The following SLC35F3 variants were observed in gnomAD, a reference collection of about 807,000 sequenced individuals.
SLC35F3 encodes the protein putative thiamine transporter SLC35F3.
Under a neutral mutation model 49.9 loss-of-function variants are expected in SLC35F3, and 25 were observed. The ratio of observed to expected loss-of-function variants is 0.50; its 90% CI spans 0.37 to 0.70. The LOEUF (loss-of-function observed/expected upper bound fraction) is 0.70, where lower values mean the gene tolerates loss of function less well. SLC35F3 is among the 30% of genes least tolerant of loss of function. SLC35F3 has a pLI of 0.00. For missense variants in SLC35F3, 525 were observed against 639.8 expected (o/e 0.82, Z 1.94); for synonymous variants, 275 against 265.4 (o/e 1.04, Z -0.35).
chr1:234,255,321 A>G (rs1667801862), intron 3 of SLC35F3, among the ~76,000 whole-genome samples: 1 of 152,234 alleles, frequency 6.6e-6, no homozygotes, highest in Non-Finnish European at 1.5e-5. Context: ...CACCTATTAA[A>G]ATAGCCAAGA....
At chr1:233,926,612 C>T (rs903230114) in intron 2 of SLC35F3, among the ~76,000 whole-genome samples, 53 of 152,024 alleles carry the variant, frequency 3.5e-4, no homozygotes, top group African/African-American at 1.2e-3. Context: ...TTGTTATTAC[C>T]GATCTTCTGA....
intron 2 of SLC35F3, among the ~76,000 whole-genome samples, chr1:234,121,499 G>A (rs565140592): frequency 4.5e-4 from 68 of 152,284 alleles, no homozygotes; most frequent in African/African-American, 1.6e-3. Context: ...ACTTGGAAAT[G>A]TCAGATGCTT....
chr1:234,041,559 A>G (rs976952732), intron 2 of SLC35F3, among the ~76,000 whole-genome samples: 2 of 152,100 alleles, frequency 1.3e-5, no homozygotes, highest in Non-Finnish European at 2.9e-5. Context: ...GTATGTATCT[A>G]TATGCATTCA....
At chr1:234,193,590 A>G (rs1666761929) in intron 2 of SLC35F3, among the ~76,000 whole-genome samples, 2 of 152,214 alleles carry the variant, frequency 1.3e-5, no homozygotes, top group Non-Finnish European at 2.9e-5. Context: ...AAAAATAAAT[A>G]GGTGGGACTT....
chr1:233,983,508 A>G (rs1324601487), intron 2 of SLC35F3, among the ~76,000 whole-genome samples: 1 of 152,200 alleles, frequency 6.6e-6, no homozygotes, highest in Non-Finnish European at 1.5e-5. Context: ...AGAGTATAAA[A>G]CGTGAAAAAT....
At position 234,231,393 on chromosome 1, in the gene SLC35F3, T is replaced by C; in HGVS notation, c.284-24T>C. On this transcript the variant is annotated intron_variant, in intron 2 of 7. Coordinates refer to ENST00000366618, the MANE Select transcript of SLC35F3 (RefSeq NM_173508.4). The surrounding 1 kb of genome is among the most constrained non-coding windows in gnomAD (Gnocchi z 5.4). ...AGGGGTGAAGGTCTGCAGGCCCCGCTAACCACGCCCTTCTCTTCCCCAGGG... is the reference window on the plus strand; with the variant it reads ...AGGGGTGAAGGTCTGCAGGCCCCGCCAACCACGCCCTTCTCTTCCCCAGGG... The C allele has an allele frequency of 1.3e-6, 2 of 1,483,674 alleles. No homozygotes were observed. The highest frequency in any genetic ancestry group is 1.8e-6 in the Non-Finnish European group (2 of 1,118,544). The allele number at this position is 1,483,674 out of a possible 1,614,324, so 91.9% of individuals were successfully genotyped here.
chr1:234,291,927 T>C (rs1668514728), intron 3 of SLC35F3, among the ~76,000 whole-genome samples: 1 of 152,044 alleles, frequency 6.6e-6, no homozygotes, highest in Non-Finnish European at 1.5e-5. Context: ...CAGACTGAGA[T>C]GGGATGAGAG....
Position 234,088,244 on chromosome 1 carries a change from C to T in SLC35F3, c.284-143173C>T, listed in dbSNP as rs1415753664. On this transcript the variant is annotated intron_variant, in intron 2 of 7. Transcript: ENST00000366618. The stretch of plus-strand genomic sequence containing the variant: ...TTGCTCTGTTGTTTTGAGACAGAGT[C>T]TCGCCCAGGCTGCAGTACAGTGGCG... 7.2e-5 allele frequency among the ~76,000 whole-genome samples: 11 copies of T among 152,298 alleles called. No homozygotes were observed. In the East Asian group the frequency reaches 1.9e-3, roughly 27 times the overall value.
intron 2 of SLC35F3, among the ~76,000 whole-genome samples, chr1:234,018,023 T>C (rs918635716): frequency 6.6e-6 from 1 of 151,170 alleles, no homozygotes; most frequent in African/African-American, 2.4e-5. Context: ...ATCGTGACAC[T>C]CAGTAGATCT....
chr1:234,207,575 A>G (rs926092368), intron 2 of SLC35F3, among the ~76,000 whole-genome samples: 12 of 151,282 alleles, frequency 7.9e-5, no homozygotes, highest in African/African-American at 2.9e-4. Context: ...CCCAAATTTT[A>G]AAGGCTAACA....
chr1:234,288,798 G>T (rs1459388285), intron 3 of SLC35F3, among the ~76,000 whole-genome samples: 1 of 152,188 alleles, frequency 6.6e-6, no homozygotes, highest in Non-Finnish European at 1.5e-5. Context: ...TGGAAGCAGG[G>T]TTCAAACCCT....
intron 2 of SLC35F3, among the ~76,000 whole-genome samples, chr1:234,012,477 T>C (rs1663738262): frequency 6.6e-6 from 1 of 152,174 alleles, no homozygotes; most frequent in Admixed American, 6.5e-5. Context: ...CCTTGGAAAA[T>C]ACCCAGCTTT....
chr1:234,232,968 G>C (rs1313946558), intron 3 of SLC35F3, among the ~76,000 whole-genome samples: 1 of 152,110 alleles, frequency 6.6e-6, no homozygotes, highest in Non-Finnish European at 1.5e-5. Flanking sequence ...GGAGGAGGGG[G>C]CTCTGATGGA....
At chr1:233,943,746 T>C (rs1351836702) in intron 2 of SLC35F3, among the ~76,000 whole-genome samples, 1 of 152,224 alleles carries the variant, frequency 6.6e-6, no homozygotes, top group Non-Finnish European at 1.5e-5. Flanking sequence ...AGATAAACCT[T>C]GATGAAGATG....
intron 2 of SLC35F3, among the ~76,000 whole-genome samples, chr1:234,138,232 T>C (rs1412581505): frequency 1.3e-5 from 2 of 152,238 alleles, no homozygotes; most frequent in African/African-American, 2.4e-5. Context: ...TGTATGGCTG[T>C]ATCTCTATAA....
At chr1:234,000,743 G>C (rs1046017335) in intron 2 of SLC35F3, among the ~76,000 whole-genome samples, 6 of 152,150 alleles carry the variant, frequency 3.9e-5, no homozygotes, top group Non-Finnish European at 2.9e-5. Context: ...GCACATTGTC[G>C]AGCTTACAGA....
At chr1:234,139,383 A>G (rs2102902113) in intron 2 of SLC35F3, among the ~76,000 whole-genome samples, 1 of 152,318 alleles carries the variant, frequency 6.6e-6, no homozygotes, top group South Asian at 2.1e-4. Context: ...TTGTAGCTCC[A>G]CTTCTTCCTG....
chr1:234,036,668 G>A (rs1405298774), intron 2 of SLC35F3, among the ~76,000 whole-genome samples: 2 of 152,202 alleles, frequency 1.3e-5, no homozygotes, highest in Admixed American at 6.5e-5. Context: ...AGTGTCGGGA[G>A]GGACAGTACT....
At chr1:234,005,223 AG>A (rs1038702615) in intron 2 of SLC35F3, among the ~76,000 whole-genome samples, 1 of 152,188 alleles carries the variant, frequency 6.6e-6, no homozygotes, top group African/African-American at 2.4e-5. Context: ...ATGAAAATTT[AG>A]GTTATCAGAA....
Sources: allele counts gnomAD v4.1 joint callset (sites outside exome capture counted in the v4.1 genomes callset), GRCh38; gene constraint gnomAD v4.1.1; non-coding constraint Gnocchi (gnomAD v3.1); transcripts MANE v1.5; gene names NCBI Gene and HGNC (gene_info 2026-07-23, HGNC 2026-07-21).